GLT1D1: variants seen among roughly 807,000 people sequenced by gnomAD.
The protein encoded by GLT1D1 is glycosyltransferase 1 domain containing 1.
GLT1D1 carries 21 observed loss-of-function variants against 28.7 expected under a neutral mutation model. That is an observed-to-expected ratio of 0.73 (90% CI 0.52 to 1.05). GLT1D1 has a LOEUF of 1.05. GLT1D1 is among the 50% of genes least tolerant of loss of function. GLT1D1 has a pLI of 0.00. For synonymous variants in GLT1D1, 147 were observed against 124.8 expected (o/e 1.18, Z -1.19); for missense variants, 343 against 330.6 (o/e 1.04, Z -0.29).
chr12:128,965,598 A>T (rs1353274793), intron 7 of GLT1D1, among the ~76,000 whole-genome samples: 1 of 150,998 alleles, frequency 6.6e-6, no homozygotes, highest in African/African-American at 2.4e-5. Flanking sequence ...GAGGCTGGGC[A>T]TGGTGGCTCA....
At chr12:128,860,470 A>G (rs529030719) in intron 1 of GLT1D1, among the ~76,000 whole-genome samples, 1 of 152,318 alleles carries the variant, frequency 6.6e-6, no homozygotes, top group South Asian at 2.1e-4. Context: ...CAACAAAAAG[A>G]AATTAGTAGT....
intron 6 of GLT1D1, among the ~76,000 whole-genome samples, chr12:128,956,534 T>C (rs1565911486): frequency 6.6e-6 from 1 of 152,186 alleles, no homozygotes; most frequent in Non-Finnish European, 1.5e-5. Flanking sequence ...GACCTTTTAC[T>C]CAATGGATTT....
chr12:128,879,056 C>G (rs1956938574), intron 2 of GLT1D1, among the ~76,000 whole-genome samples: 1 of 152,230 alleles, frequency 6.6e-6, no homozygotes. Context: ...GTAAGGTTGT[C>G]ACTGACTGTT....
chr12:128,942,739 GTTTGTTTTTGTTTTTTGTTT>G lies in GLT1D1; in HGVS notation c.376-2583_376-2564del, dbSNP rs1470591084. On this transcript the variant is annotated intron_variant, in intron 4 of 7. Coordinates refer to ENST00000281703, the MANE Select transcript of GLT1D1 (RefSeq NM_144669.3). ...CTTTAGATTCCAATTTTCTTTGTTTGTTTGTTTTTGTTTTTTGTTTTTTTTTTTTGAGACAGAGTCTCGCT... is the reference window on the plus strand; with the variant it reads ...CTTTAGATTCCAATTTTCTTTGTTTGTTTTTTTTTGAGACAGAGTCTCGCT... 2.9e-5 allele frequency among the ~76,000 whole-genome samples: 3 copies of G among 102,482 alleles called. No individual in the cohort carries two copies. The East Asian group carries it at 8.2e-4, about 28-fold the overall frequency. 67.2% of individuals were successfully genotyped at this position (102,482 alleles called of 152,430 possible).
chr12:128,922,617 G>A (rs1872758108), intron 4 of GLT1D1, among the ~76,000 whole-genome samples: 1 of 152,108 alleles, frequency 6.6e-6, no homozygotes, highest in African/African-American at 2.4e-5. Context: ...GTTAGCTTCA[G>A]GATACTTAGA....
At position 128,931,134 on chromosome 12, in the gene GLT1D1, C is replaced by T. The variant is rs61945030; in HGVS notation, c.376-14192C>T. ...CTCCTGCCTCAGACTCCTTAGTAGC[C>T]GGGACTACAGGCACGTGCTACCACG... On this transcript the variant is annotated intron_variant, in intron 4 of 7. Coordinates refer to ENST00000281703, the MANE Select transcript of GLT1D1 (RefSeq NM_144669.3). 7.3e-3 allele frequency among the ~76,000 whole-genome samples: 1,102 copies of T among 150,148 alleles called. 5 individuals are homozygous for T. Among genetic ancestry groups the T allele is most frequent in the Middle Eastern group, 0.011 (3 of 278 alleles).
intron 4 of GLT1D1, 74 bp from the exon 9 acceptor site, chr12:128,945,252 C>T: frequency 1.4e-6 from 2 of 1,480,950 alleles, no homozygotes; most frequent in Non-Finnish European, 1.9e-6. Flanking sequence ...GGGCTTTGGC[C>T]TGGCCCGTGC....
At chr12:128,937,262 A>G (rs1357645293) in intron 4 of GLT1D1, among the ~76,000 whole-genome samples, 1 of 152,220 alleles carries the variant, frequency 6.6e-6, no homozygotes, top group East Asian at 1.9e-4. Context: ...TCAGTTGTTT[A>G]GGATAATTCG....
At chr12:128,943,910 T>C (rs960537936) in intron 4 of GLT1D1, among the ~76,000 whole-genome samples, 1 of 152,240 alleles carries the variant, frequency 6.6e-6, no homozygotes, top group African/African-American at 2.4e-5. Flanking sequence ...CATGTAACTT[T>C]TTTTTAACTT....
intron 5 of GLT1D1, 52 bp downstream of exon 9, chr12:128,945,421 C>T (rs1003798285): frequency 7.9e-6 from 11 of 1,387,744 alleles, no homozygotes; most frequent in Non-Finnish European, 1.0e-5. Context: ...CCTGAGTGGC[C>T]CCTGGGTTAC....
At chr12:128,945,280 C>T (rs1199214539) in intron 4 of GLT1D1, 46 bp from the exon 9 acceptor site, 1 of 1,601,410 alleles carries the variant, frequency 6.2e-7, no homozygotes, top group Admixed American at 1.7e-5. Flanking sequence ...CTGGCAGCGC[C>T]ACTAGCAGGC....
At chr12:128,878,659 G>A (rs190910355) in intron 2 of GLT1D1, among the ~76,000 whole-genome samples, 39 of 151,980 alleles carry the variant, frequency 2.6e-4, no homozygotes, top group African/African-American at 9.4e-4. Context: ...CCAGGCTGGA[G>A]TGCAGTGATA....
Position 128,858,866 on chromosome 12 carries a change from G to C in GLT1D1, c.68+5217G>C, listed in dbSNP as rs528490708. Among the ~76,000 whole-genome samples, 94 of 152,208 alleles carry C rather than the reference G, an allele frequency of 6.2e-4. 1 individual carries two copies. The highest frequency in any genetic ancestry group is 1.2e-3 in the Non-Finnish European group (84 of 68,018). On this transcript the variant is annotated intron_variant, in intron 1 of 7. Transcript: ENST00000281703. Reference sequence around the variant, plus strand: ...TCTCCACAGTCTTTTATCTTAACTTGAACATTTCCTTTCTATGGATCCCAG... The same window carrying C: ...TCTCCACAGTCTTTTATCTTAACTTCAACATTTCCTTTCTATGGATCCCAG...
intron 7 of GLT1D1, among the ~76,000 whole-genome samples, chr12:128,972,673 C>T (rs1458552467): frequency 6.6e-6 from 1 of 152,210 alleles, no homozygotes; most frequent in Admixed American, 6.5e-5. Flanking sequence ...GTGCTCTTAT[C>T]AGCCCCATTT....
chr12:128,975,777 T>C (rs1879713370), intron 7 of GLT1D1, among the ~76,000 whole-genome samples: 1 of 152,200 alleles, frequency 6.6e-6, no homozygotes, highest in African/African-American at 2.4e-5. Context: ...TTGATACTTA[T>C]TTTAAAGTGA....
At chr12:128,964,789 A>T (rs1878299655) in intron 7 of GLT1D1, among the ~76,000 whole-genome samples, 1 of 152,224 alleles carries the variant, frequency 6.6e-6, no homozygotes, top group South Asian at 2.1e-4. Flanking sequence ...TTACCTGTGC[A>T]GGGTGAGGTT....
intron 4 of GLT1D1, among the ~76,000 whole-genome samples, chr12:128,900,378 G>A (rs1215440105): frequency 1.3e-5 from 2 of 152,220 alleles, no homozygotes; most frequent in African/African-American, 4.8e-5. Flanking sequence ...TTGCAAAATG[G>A]TGGTACTTGA....
In GLT1D1 at chr12:128,888,630, G is replaced by T; in HGVS notation, c.218-9G>T. 1 of 1,592,204 alleles carries T rather than the reference G, an allele frequency of 6.3e-7. No individual in the cohort carries two copies. Among genetic ancestry groups the T allele is most frequent in the East Asian group, 2.2e-5 (1 of 44,768 alleles). The stretch of plus-strand genomic sequence containing the variant: ...TAAATTCTGCTTTGTGACTGTCATC[G>T]TTTTGCAGGCCACCGAATCCCTTTT... On this transcript the variant is annotated splice_polypyrimidine_tract_variant and intron_variant, in intron 2 of 7. Transcript: ENST00000281703.
intron 1 of GLT1D1, among the ~76,000 whole-genome samples, chr12:128,871,820 A>G (rs1384075663): frequency 1.3e-5 from 2 of 152,182 alleles, no homozygotes; most frequent in Non-Finnish European, 2.9e-5. Context: ...CAGCTGAATA[A>G]ATAACTATTT....
Sources: gnomAD v4.1 joint callset for allele counts (sites outside exome capture counted in the v4.1 genomes callset) on GRCh38, gnomAD v4.1.1 for gene constraint, MANE v1.5 for transcripts, NCBI Gene and HGNC (gene_info 2026-07-23, HGNC 2026-07-21) for gene names.